DPP6: variants seen among roughly 807,000 people sequenced by gnomAD.
DPP6 encodes the protein A-type potassium channel modulatory protein DPP6.
In DPP6, 69 loss-of-function variants were observed where a neutral mutation model predicts 122.6. The ratio of observed to expected loss-of-function variants is 0.56; its 90% confidence interval spans 0.46 to 0.69. The LOEUF (loss-of-function observed/expected upper bound fraction) is 0.69, where lower values mean the gene tolerates loss of function less well. Ranked by LOEUF, DPP6 falls within the 30% of genes least tolerant of loss-of-function variation. The probability of loss-of-function intolerance (pLI) is 0.00; values close to 1 mark genes in which losing one functional copy is unlikely to be tolerated. For synonymous variants in DPP6, 418 were observed against 433.1 expected (o/e 0.97, Z 0.43); for missense variants, 928 against 1,116.9 (o/e 0.83, Z 2.41).
intron 16 of DPP6, among the ~76,000 whole-genome samples, chr7:154,817,577 C>T (rs1208910722): frequency 6.6e-6 from 1 of 151,772 alleles, no homozygotes; most frequent in African/African-American, 2.4e-5. Flanking sequence ...CATGAGTGAT[C>T]GATGTTACGA....
chr7:154,488,888 C>G (rs186729287), intron 3 of DPP6, among the ~76,000 whole-genome samples: 2 of 152,148 alleles, frequency 1.3e-5, no homozygotes, highest in Non-Finnish European at 2.9e-5. Flanking sequence ...GACCTCATGA[C>G]GTGTTTATCT....
chr7:154,320,008 A>C (rs1329352955), intron 1 of DPP6, among the ~76,000 whole-genome samples: 1 of 21,492 alleles, frequency 4.7e-5, no homozygotes, highest in Non-Finnish European at 1.1e-4. Context: ...TCAAATATAT[A>C]TATATATATA....
the DPP6 span, among the ~76,000 whole-genome samples, chr7:153,770,802 C>T: frequency 6.6e-6 from 1 of 151,982 alleles, no homozygotes; most frequent in Non-Finnish European, 1.5e-5. Flanking sequence ...AATGGAAATG[C>T]TAAAAATAAA....
chr7:154,839,675 G>A (rs1453764918), intron 16 of DPP6, among the ~76,000 whole-genome samples: 1 of 152,206 alleles, frequency 6.6e-6, no homozygotes, highest in African/African-American at 2.4e-5. Flanking sequence ...AGAAGATGCT[G>A]GGGCTGAATC....
chr7:154,495,063 G>A (rs1039733143), intron 3 of DPP6, among the ~76,000 whole-genome samples: 7 of 152,202 alleles, frequency 4.6e-5, no homozygotes, highest in South Asian at 2.1e-4. Flanking sequence ...ATGTAGAGGC[G>A]TCTGGTATGA....
At chr7:154,339,434 G>T (rs1809727575) in intron 1 of DPP6, among the ~76,000 whole-genome samples, 1 of 152,174 alleles carries the variant, frequency 6.6e-6, no homozygotes, top group South Asian at 2.1e-4. Flanking sequence ...CAGCGGAGCT[G>T]GTGTTTACTA....
At chr7:153,759,167 A>G in the DPP6 span, among the ~76,000 whole-genome samples, 1 of 152,136 alleles carries the variant, frequency 6.6e-6, no homozygotes, top group South Asian at 2.1e-4. Context: ...CCATCCACAT[A>G]TCCTCTTGGC....
chr7:154,026,419 G>A (rs1481540368), intron 1 of DPP6: 1 of 152,094 alleles, frequency 6.6e-6, no homozygotes, highest in Non-Finnish European at 1.5e-5. Flanking sequence ...GTGAATCCTA[G>A]TGAATCATCA....
the DPP6 span, among the ~76,000 whole-genome samples, chr7:153,748,230 T>G: frequency 6.6e-6 from 1 of 152,068 alleles, no homozygotes; most frequent in Admixed American, 6.5e-5. Flanking sequence ...TGTCTCTCTT[T>G]CGCCTGTGCA....
chr7:154,377,631 G>C (rs953868286), intron 1 of DPP6, among the ~76,000 whole-genome samples: 1 of 151,966 alleles, frequency 6.6e-6, no homozygotes, highest in Non-Finnish European at 1.5e-5. Flanking sequence ...TTCCCCCTTC[G>C]CTCTCTCTCA....
rs200755311 is a variant in DPP6, at chr7:154,090,848, C to T, written c.243+37785C>T. On this transcript the variant is annotated intron_variant, in intron 1 of 25. Coordinates refer to ENST00000377770, the MANE Select transcript of DPP6 (RefSeq NM_130797.4). ...TCAAAATTCAATTCTGGGCCGTTTGCGGTGGCTCATGCCTGTAATCCCAGC... is the reference window on the plus strand; with the variant it reads ...TCAAAATTCAATTCTGGGCCGTTTGTGGTGGCTCATGCCTGTAATCCCAGC... Among the ~76,000 whole-genome samples the T allele has an allele frequency of 1.6e-4, 24 of 149,882 alleles. No homozygotes were observed. The East Asian group carries it at 3.3e-3, about 21-fold the overall frequency.
At chr7:153,801,763 A>C in the DPP6 span, among the ~76,000 whole-genome samples, 3 of 152,202 alleles carry the variant, frequency 2.0e-5, no homozygotes, top group Admixed American at 6.5e-5. Context: ...GAAAGTACAT[A>C]AACAAAAAGT....
chr7:154,749,483 C>T (rs372807748), intron 8 of DPP6, among the ~76,000 whole-genome samples: 66 of 121,970 alleles, frequency 5.4e-4, no homozygotes, highest in Admixed American at 6.7e-4. Context: ...GAGCATAGGA[C>T]GGGAGAGAGA....
At chr7:154,255,560 A>G (rs917690011) in intron 1 of DPP6, among the ~76,000 whole-genome samples, 1 of 151,808 alleles carries the variant, frequency 6.6e-6, no homozygotes, top group East Asian at 1.9e-4. Context: ...TGAACCAGGC[A>G]GACGTGGGGG....
the DPP6 span, among the ~76,000 whole-genome samples, chr7:153,844,338 A>G: frequency 6.6e-6 from 1 of 152,210 alleles, no homozygotes; most frequent in Non-Finnish European, 1.5e-5. Context: ...TGGATTGAAG[A>G]ATATTTTTTT....
chr7:153,945,063 A>T (rs1284082509), intron 1 of DPP6, among the ~76,000 whole-genome samples: 1 of 152,002 alleles, frequency 6.6e-6, no homozygotes, highest in Non-Finnish European at 1.5e-5. Flanking sequence ...CTGACTCAGG[A>T]GGGTCTTCCC....
intron 2 of DPP6, among the ~76,000 whole-genome samples, chr7:154,470,321 A>G (rs1452257885): frequency 1.3e-5 from 2 of 152,202 alleles, no homozygotes; most frequent in Non-Finnish European, 2.9e-5. Flanking sequence ...GATAATAAAT[A>G]TCATTGCACT....
intron 16 of DPP6, among the ~76,000 whole-genome samples, chr7:154,839,309 G>C (rs1801329063): frequency 6.6e-6 from 1 of 152,202 alleles, no homozygotes; most frequent in South Asian, 2.1e-4. Flanking sequence ...CTAGCTAGTG[G>C]TGCAGCCAAC....
chr7:153,762,481 ACT>A, the DPP6 span, among the ~76,000 whole-genome samples: 1 of 151,954 alleles, frequency 6.6e-6, no homozygotes, highest in African/African-American at 2.4e-5. Flanking sequence ...AGGGATTAAG[ACT>A]CTACCCGCCT....
Sources: allele counts gnomAD v4.1 joint callset (sites outside exome capture counted in the v4.1 genomes callset), GRCh38; gene constraint gnomAD v4.1.1; transcripts MANE v1.5; gene names NCBI Gene and HGNC (gene_info 2026-07-23, HGNC 2026-07-21).